BCL11B: variants seen among roughly 807,000 people sequenced by gnomAD.
The protein encoded by BCL11B is BCL11 transcription factor B.
BCL11B carries 8 observed loss-of-function variants against 49.9 expected under a neutral mutation model. The ratio of observed to expected loss-of-function variants is 0.16; its 90% confidence interval spans 0.09 to 0.29. BCL11B has a LOEUF of 0.29. Ranked by LOEUF, BCL11B falls within the 10% of genes least tolerant of loss-of-function variation. BCL11B has a pLI of 1.00. For missense variants in BCL11B, 1,006 were observed against 1,351.0 expected (o/e 0.74, Z 4.00); for synonymous variants, 739 against 637.4 (o/e 1.16, Z -2.40).
intron 3 of BCL11B, among the ~76,000 whole-genome samples, chr14:99,185,533 G>A (rs573077377): frequency 9.9e-5 from 15 of 151,646 alleles, no homozygotes; most frequent in East Asian, 7.7e-4. Context: ...GGAAAGGTCC[G>A]CAAGGTAGGG....
chr14:99,219,577 C>G (rs983242569), intron 3 of BCL11B, among the ~76,000 whole-genome samples: 1 of 152,248 alleles, frequency 6.6e-6, no homozygotes, highest in African/African-American at 2.4e-5. Context: ...GGAGACCCCA[C>G]AAGGCTCAGA....
chr14:99,262,058 C>G lies in BCL11B; in HGVS notation c.59-4219G>C, dbSNP rs1033206305. Among the ~76,000 whole-genome samples the G allele has an allele frequency of 6.6e-6, 1 of 152,238 alleles. No homozygotes were observed. The highest frequency in any genetic ancestry group is 1.5e-5 in the Non-Finnish European group (1 of 68,046). ...TGATCCCAAGACAAACTTCCCCATG[C>G]CTCGGCTTTGCTGGGAAGGAATTTG... On this transcript the variant is annotated intron_variant, in intron 1 of 3. Coordinates refer to ENST00000357195, the MANE Select transcript of BCL11B (RefSeq NM_138576.4). This position sits in a 1 kb window ranked among gnomAD's most constrained non-coding sequence, Gnocchi z 4.2.
intron 3 of BCL11B, among the ~76,000 whole-genome samples, chr14:99,214,266 G>T (rs55975444): frequency 0.12 from 18,883 of 152,128 alleles, 1,512 homozygotes; most frequent in Non-Finnish European, 0.18. Flanking sequence ...TCTGAATCCA[G>T]GTGTGGCCAG....
intron 3 of BCL11B, among the ~76,000 whole-genome samples, chr14:99,229,344 A>G (rs1888260904): frequency 1.3e-5 from 2 of 152,084 alleles, no homozygotes; most frequent in South Asian, 4.1e-4. Flanking sequence ...AGTGGCATGT[A>G]TGAGGACTTG....
At chr14:99,230,418 C>T (rs1316957837) in intron 3 of BCL11B, among the ~76,000 whole-genome samples, 1 of 152,246 alleles carries the variant, frequency 6.6e-6, no homozygotes, top group Non-Finnish European at 1.5e-5. Flanking sequence ...CCACAGAAAC[C>T]AGGCCACGGC....
chr14:99,237,747 A>G (rs891436546), intron 2 of BCL11B, among the ~76,000 whole-genome samples: 34 of 152,140 alleles, frequency 2.2e-4, no homozygotes, highest in African/African-American at 8.2e-4. Flanking sequence ...ATTACACGGG[A>G]GACATAAAAA....
In BCL11B at chr14:99,231,432, A is replaced by T; in HGVS notation, c.553T>A (p.Cys185Ser). ...CCCGAGACCGGGCGCGCGCTGCAGC[A>T]CGGCAGGGGGAGGCAGGGCGGGAGA... ...GALPPCLPLPCCSARPVSGDG... is the reference protein window; with the variant it reads ...GALPPCLPLPSCSARPVSGDG... The change falls in exon 3 of 4, where the codon TGC becomes AGC. Residue 185 changes from cysteine (C) to serine (S), a missense_variant. Coordinates refer to ENST00000357195, the MANE Select transcript of BCL11B (RefSeq NM_138576.4). This position sits in a 1 kb window ranked among gnomAD's most constrained non-coding sequence, Gnocchi z 8.1. 2 of 1,597,666 alleles carry T rather than the reference A, an allele frequency of 1.3e-6. No individual in the cohort carries two copies. Among genetic ancestry groups the T allele is most frequent in the Non-Finnish European group, 1.7e-6 (2 of 1,171,562 alleles).
rs778644622 is a variant in BCL11B, at chr14:99,184,252, G to A, written c.641-8057C>T. ...ATTCCTGCTTCTTGGAATACCTGCC[G>A]TTTATTCTCTCCCCATAAAATATCT... On this transcript the variant is annotated intron_variant, in intron 3 of 3. Transcript: ENST00000357195. This position sits in a 1 kb window ranked among gnomAD's most constrained non-coding sequence, Gnocchi z 6.1. 1.1e-4 allele frequency among the ~76,000 whole-genome samples: 17 copies of A among 152,094 alleles called. 1 individual carries two copies. The South Asian group carries it at 1.2e-3, about 11-fold the overall frequency.
Position 99,172,652 on chromosome 14 carries a change from T to C in BCL11B, c.*1499A>G, listed in dbSNP as rs1886328614. The C allele has an allele frequency of 4.7e-6, 1 of 214,944 alleles. No individual in the cohort carries two copies. The highest frequency in any genetic ancestry group is 2.3e-5 in the African/African-American group (1 of 44,304). 13.3% of individuals were successfully genotyped at this position (214,944 alleles called of 1,614,324 possible). ...GTATTGTGAATGCCACGCTTAGCAA[T>C]ACTGACACTCAATCTCAGCTGTCCC... On this transcript the variant is annotated 3_prime_UTR_variant, in exon 4 of 4. Transcript: ENST00000357195.
intron 1 of BCL11B, among the ~76,000 whole-genome samples, chr14:99,260,253 C>T (rs530695836): frequency 3.6e-4 from 55 of 152,288 alleles, no homozygotes; most frequent in African/African-American, 1.3e-3. Flanking sequence ...TTAAATACCA[C>T]CCTGTCCAGG....
rs944937462 is a variant in BCL11B, at chr14:99,175,371, C to T, written c.1465G>A (p.Asp489Asn). 5 of 1,583,336 alleles carry T rather than the reference C, an allele frequency of 3.2e-6. No individual in the cohort carries two copies. Among genetic ancestry groups the T allele is most frequent in the African/African-American group, 1.4e-5 (1 of 73,648 alleles). The change falls in exon 4 of 4, where the codon GAC becomes AAC. Residue 489 changes from aspartate to asparagine, a missense_variant. Physicochemically the swap from Asp to Asn is conservative, Grantham distance 23. Coordinates refer to ENST00000357195, the MANE Select transcript of BCL11B (RefSeq NM_138576.4). ...GAGCTGGCGGCCGAGAGCCCGTCGTCGGAGCGGCCGGCCAGCGAGCCGGCC... is the reference window on the plus strand; with the variant it reads ...GAGCTGGCGGCCGAGAGCCCGTCGTTGGAGCGGCCGGCCAGCGAGCCGGCC... ...HKAGSLAGRS[D>N]DGLSAASSPE...
chr14:99,243,869 C>T (rs1334956432), intron 2 of BCL11B, among the ~76,000 whole-genome samples: 1 of 142,240 alleles, frequency 7.0e-6, no homozygotes, highest in African/African-American at 2.6e-5. Context: ...CAACATGATC[C>T]AGCTGACAGA....
Position 99,232,025 on chromosome 14 carries a change from C to T in BCL11B, c.428-468G>A, listed in dbSNP as rs1459792422. ...TATCAGGATGGGCTGTTCCTACAGG[C>T]CCGGGACACCTTGGGTCCGCCTCCA... On this transcript the variant is annotated intron_variant, in intron 2 of 3. Transcript: ENST00000357195. This position sits in a 1 kb window ranked among gnomAD's most constrained non-coding sequence, Gnocchi z 5.1. Among the ~76,000 whole-genome samples the T allele has an allele frequency of 6.6e-6, 1 of 152,156 alleles. No homozygotes were observed. The highest frequency in any genetic ancestry group is 6.5e-5 in the Admixed American group (1 of 15,288).
chr14:99,251,217 C>G (rs1888999117), intron 2 of BCL11B, among the ~76,000 whole-genome samples: 1 of 152,176 alleles, frequency 6.6e-6, no homozygotes, highest in African/African-American at 2.4e-5. Context: ...TCAGACAAGT[C>G]ACTGAGCAGG....
chr14:99,252,358 A>G (rs750130180), intron 2 of BCL11B, among the ~76,000 whole-genome samples: 5 of 152,240 alleles, frequency 3.3e-5, no homozygotes, highest in Non-Finnish European at 5.9e-5. Flanking sequence ...TTTCCAGCAC[A>G]AGCAAGTTAT....
Position 99,231,504 on chromosome 14 carries a change from G to A in BCL11B, c.481C>T (p.His161Tyr). ...PAVAPIAASS[H>Y]PHSSVITSPL... ...GAAGTGATCACGGATGAGTGAGGGTGGGAGGAGGCAGCTATGGGGGCCACC... is the reference window on the plus strand; with the variant it reads ...GAAGTGATCACGGATGAGTGAGGGTAGGAGGAGGCAGCTATGGGGGCCACC... Residue 161 changes from histidine to tyrosine, a missense_variant, in exon 3 of 4, where the codon CAC becomes TAC. By Grantham distance (83) the His-to-Tyr change is moderately conservative (BLOSUM62 2). This residue lies in a region of BCL11B where 411 missense variants were observed against 542.2 expected (regional missense o/e 0.76). Transcript: ENST00000357195. The surrounding 1 kb of genome is among the most constrained non-coding windows in gnomAD (Gnocchi z 8.1). The A allele has an allele frequency of 6.2e-7, 1 of 1,600,032 alleles. No individual in the cohort carries two copies. The highest frequency in any genetic ancestry group is 8.5e-7 in the Non-Finnish European group (1 of 1,173,636).
chr14:99,176,813 A>G (rs904991078), intron 3 of BCL11B, among the ~76,000 whole-genome samples: 4 of 152,130 alleles, frequency 2.6e-5, no homozygotes, highest in Non-Finnish European at 5.9e-5. Flanking sequence ...GAATCTTCCC[A>G]GGGAGGGGGG....
At chr14:99,177,523 C>T (rs1030083682) in intron 3 of BCL11B, among the ~76,000 whole-genome samples, 14 of 150,040 alleles carry the variant, frequency 9.3e-5, no homozygotes, top group Non-Finnish European at 1.8e-4. Flanking sequence ...AGACAGGACC[C>T]GTCTTGCAGC....
At chr14:99,269,375 C>G (rs1889581141) in intron 1 of BCL11B, among the ~76,000 whole-genome samples, 1 of 152,196 alleles carries the variant, frequency 6.6e-6, no homozygotes, top group African/African-American at 2.4e-5. Context: ...AAGCTCAAAT[C>G]TAGCTGCAAA....
Sources: allele counts gnomAD v4.1 joint callset (sites outside exome capture counted in the v4.1 genomes callset), GRCh38; gene constraint gnomAD v4.1.1; regional missense constraint gnomAD v4.1.1; non-coding constraint Gnocchi (gnomAD v3.1); transcripts MANE v1.5; gene names NCBI Gene and HGNC (gene_info 2026-07-23, HGNC 2026-07-21).